Variants in SRPK1 observed in about 807,000 individuals in gnomAD.
The protein encoded by SRPK1 is SFRS protein kinase 1.
Under a neutral mutation model 89.5 loss-of-function variants are expected in SRPK1, and 52 were observed. The ratio of observed to expected loss-of-function variants is 0.58; its 90% CI spans 0.46 to 0.73. The LOEUF is 0.73. Ranked by LOEUF, SRPK1 falls within the 30% of genes least tolerant of loss-of-function variation. The probability of loss-of-function intolerance (pLI) is 0.00; values close to 1 mark genes in which losing one functional copy is unlikely to be tolerated. For synonymous variants in SRPK1, 255 were observed against 270.2 expected, an observed-to-expected ratio of 0.94 and a Z score of 0.55; for missense variants, 603 against 780.6, an observed-to-expected ratio of 0.77 and a Z score of 2.71.
At chr6:35,857,000 T>C (rs1769679338) in intron 13 of SRPK1, 1 of 388,336 alleles carries the variant, frequency 2.6e-6, no homozygotes, top group African/African-American at 2.0e-5. Flanking sequence ...TTAGTAGTTG[T>C]TTTCATTATT....
At chr6:35,839,397 A>C (rs1173481112) in intron 14 of SRPK1, among the ~76,000 whole-genome samples, 1 of 152,264 alleles carries the variant, frequency 6.6e-6, no homozygotes, top group Non-Finnish European at 1.5e-5. Context: ...ATATGAGCTA[A>C]AACTCAGATG....
At chr6:35,908,074 G>A (rs752875318) in intron 2 of SRPK1, among the ~76,000 whole-genome samples, 9 of 152,200 alleles carry the variant, frequency 5.9e-5, no homozygotes, top group Non-Finnish European at 1.0e-4. Context: ...CTGTGGAACT[G>A]TGAATCAAAC....
chr6:35,842,221 G>C (rs1043381562), intron 14 of SRPK1, among the ~76,000 whole-genome samples: 31 of 152,152 alleles, frequency 2.0e-4, no homozygotes, highest in African/African-American at 7.0e-4. Context: ...TTGATGAGCA[G>C]GTAAAAAACT....
rs532291795 is a variant in SRPK1, at chr6:35,844,869, T to TA, written c.1621-2266dup. 6.3e-3 allele frequency among the ~76,000 whole-genome samples: 958 copies of TA among 151,370 alleles called. 1 individual carries two copies. Among genetic ancestry groups the TA allele is most frequent in the Non-Finnish European group, 0.011 (745 of 67,836 alleles). On this transcript the variant is annotated intron_variant, in intron 13 of 15. Coordinates refer to ENST00000373825, the MANE Select transcript of SRPK1 (RefSeq NM_003137.5). ...TCAGTAAAAATACTGAAATTAAAGT[T>TA]AAAAAAAACAAAAAACAAAAAACAC...
chr6:35,914,839 C>T (rs1418168903), intron 2 of SRPK1, among the ~76,000 whole-genome samples: 1 of 151,636 alleles, frequency 6.6e-6, no homozygotes, highest in East Asian at 1.9e-4. Flanking sequence ...TGCTTTGTTG[C>T]CCAGGCTAGA....
intron 2 of SRPK1, among the ~76,000 whole-genome samples, chr6:35,894,656 C>A (rs1401828488): frequency 6.6e-6 from 1 of 151,906 alleles, no homozygotes; most frequent in Non-Finnish European, 1.5e-5. Context: ...GCTAGAAGGG[C>A]AGTAATTAGA....
At chr6:35,838,686 G>A (rs763490204) in intron 14 of SRPK1, 59 of 1,486,332 alleles carry the variant, frequency 4.0e-5, no homozygotes, top group Non-Finnish European at 1.8e-6. Flanking sequence ...GTATCCCTGG[G>A]TCCTACATAA....
In SRPK1 at chr6:35,880,746, A is replaced by AAAAAAAAAAAAGAAAGAAAG. The variant is rs1770263877; in HGVS notation, c.478+5977_478+5978insCTTTCTTTCTTTTTTTTTTT. Among the ~76,000 whole-genome samples the AAAAAAAAAAAAGAAAGAAAG allele has an allele frequency of 1.3e-4, 12 of 89,202 alleles. 1 individual carries two copies. The highest frequency in any genetic ancestry group is 4.7e-4 in the South Asian group (1 of 2,140). The allele number at this position is 89,202 out of a possible 152,430, so 58.5% of individuals were successfully genotyped here. A position where few individuals can be genotyped will look rare whatever the true frequency, so the allele number is the denominator to read the frequency against. Reference sequence around the variant, plus strand: ...AAAAAAAAAAAAAAGAAAAAAAAAAAAAAAGAAAAGAAAAGAAGAAGAAAT... The same window carrying AAAAAAAAAAAAGAAAGAAAG: ...AAAAAAAAAAAAAAGAAAAAAAAAAAAAAAAAAAAAAGAAAGAAAGAAAAGAAAAGAAAAGAAGAAGAAAT... On this transcript the variant is annotated intron_variant, in intron 6 of 15. Coordinates refer to ENST00000373825, the MANE Select transcript of SRPK1 (RefSeq NM_003137.5).
chr6:35,849,771 A>C (rs986894280), intron 13 of SRPK1, among the ~76,000 whole-genome samples: 5 of 152,224 alleles, frequency 3.3e-5, no homozygotes, highest in Middle Eastern at 3.2e-3. Context: ...TGTATTCTGC[A>C]AATATTGCAA....
chr6:35,916,503 A>T (rs1771105565), intron 2 of SRPK1, among the ~76,000 whole-genome samples: 1 of 152,214 alleles, frequency 6.6e-6, no homozygotes, highest in South Asian at 2.1e-4. Flanking sequence ...TAAAAATGTT[A>T]GATATTTAAG....
chr6:35,897,334 G>A (rs1237316281), intron 2 of SRPK1, among the ~76,000 whole-genome samples: 1 of 152,182 alleles, frequency 6.6e-6, no homozygotes, highest in Non-Finnish European at 1.5e-5. Context: ...AAGAATTTAT[G>A]GTAATAGCTA....
At chr6:35,895,354 A>G (rs1203676058) in intron 2 of SRPK1, among the ~76,000 whole-genome samples, 1 of 152,194 alleles carries the variant, frequency 6.6e-6, no homozygotes, top group Non-Finnish European at 1.5e-5. Context: ...GGAGAGAAAG[A>G]AAAGTCCACC....
chr6:35,919,219 G>A (rs908302536), intron 2 of SRPK1, among the ~76,000 whole-genome samples: 3 of 152,136 alleles, frequency 2.0e-5, no homozygotes, highest in Admixed American at 1.3e-4. Context: ...ACAAGACTTC[G>A]TCACCAAGCA....
chr6:35,882,922 C>T (rs1770326251), intron 6 of SRPK1, among the ~76,000 whole-genome samples: 1 of 152,146 alleles, frequency 6.6e-6, no homozygotes, highest in Admixed American at 6.5e-5. Context: ...CATTCTCCTA[C>T]CTCAGCCTCC....
intron 12 of SRPK1, among the ~76,000 whole-genome samples, chr6:35,858,444 T>C (rs951776542): frequency 6.6e-5 from 10 of 151,890 alleles, no homozygotes; most frequent in African/African-American, 2.4e-4. Context: ...GAGTGAGGCA[T>C]ATCACTATGA....
At chr6:35,920,830 A>T in intron 1 of SRPK1, 1 of 502,810 alleles carries the variant, frequency 2.0e-6, no homozygotes. Context: ...GGCGGGGAAC[A>T]AGGGGCGGCT....
chr6:35,920,740 G>C, intron 1 of SRPK1: 1 of 278,184 alleles, frequency 3.6e-6, no homozygotes, highest in Non-Finnish European at 6.5e-6. Flanking sequence ...CTCAGGCCGG[G>C]TCAGGGGGCG....
Position 35,860,566 on chromosome 6 carries a change from G to A in SRPK1, c.1513-3198C>T, listed in dbSNP as rs566777052. Among the ~76,000 whole-genome samples the A allele has an allele frequency of 7.2e-4, 109 of 152,242 alleles. 1 individual carries two copies. The highest frequency in any genetic ancestry group is 2.4e-3 in the African/African-American group (98 of 41,538). ...GTGATACTTGTTACAGAGTCAATAC[G>A]TTTCTCCACAATTTACTTGCTAAAA... On this transcript the variant is annotated intron_variant, in intron 12 of 15. Coordinates refer to ENST00000373825, the MANE Select transcript of SRPK1 (RefSeq NM_003137.5).
intron 12 of SRPK1, among the ~76,000 whole-genome samples, chr6:35,861,107 A>T (rs908141756): frequency 6.6e-6 from 1 of 152,178 alleles, no homozygotes; most frequent in African/African-American, 2.4e-5. Flanking sequence ...CACAGAAAGG[A>T]ACCAGAACAG....
Sources: allele counts gnomAD v4.1 joint callset (sites outside exome capture counted in the v4.1 genomes callset), GRCh38; gene constraint gnomAD v4.1.1; transcripts MANE v1.5; gene names NCBI Gene and HGNC (gene_info 2026-07-23, HGNC 2026-07-21).